The following WWOX variants were observed in gnomAD, a reference collection of about 807,000 sequenced individuals.
The protein encoded by WWOX is WW domain-containing oxidoreductase.
In WWOX, 69 loss-of-function variants were observed where a neutral mutation model predicts 46.2. The ratio of observed to expected loss-of-function variants is 1.49; its 90% CI spans 1.23 to 1.82. WWOX has a LOEUF of 1.82. WWOX is among the 40% of genes most tolerant of loss of function. The pLI is 0.00. For synonymous variants in WWOX, 359 were observed against 202.6 expected, an observed-to-expected ratio of 1.77 and a Z score of -6.56; for missense variants, 919 against 542.6, an observed-to-expected ratio of 1.69 and a Z score of -6.89.
At chr16:78,125,707 A>T (rs1019442195) in intron 4 of WWOX, among the ~76,000 whole-genome samples, 1 of 151,928 alleles carries the variant, frequency 6.6e-6, no homozygotes, top group Non-Finnish European at 1.5e-5. Context: ...ACCAAATCAA[A>T]TTTTTTTTAA....
chr16:78,171,496 G>A (rs35503340), intron 5 of WWOX, among the ~76,000 whole-genome samples: 10,128 of 152,086 alleles, frequency 0.067, 384 homozygotes, highest in Non-Finnish European at 0.093. Context: ...TGGTATGTGG[G>A]GCGGGTAAAA....
At chr16:79,055,583 C>T (rs1025157842) in intron 8 of WWOX, among the ~76,000 whole-genome samples, 1 of 152,166 alleles carries the variant, frequency 6.6e-6, no homozygotes, top group African/African-American at 2.4e-5. Context: ...TTCCCCACCT[C>T]AAGGCCCTGT....
chr16:78,268,391 T>C (rs1448696635), intron 5 of WWOX, among the ~76,000 whole-genome samples: 2 of 152,164 alleles, frequency 1.3e-5, no homozygotes, highest in African/African-American at 4.8e-5. Context: ...ATTATTCTGC[T>C]CAGGGTAGCC....
At chr16:78,225,458 T>G (rs1033109315) in intron 5 of WWOX, among the ~76,000 whole-genome samples, 2 of 152,226 alleles carry the variant, frequency 1.3e-5, no homozygotes, top group African/African-American at 4.8e-5. Context: ...TTAATTCTAT[T>G]GCAACCAAAT....
At chr16:78,428,814 A>G (rs2083148500) in intron 7 of WWOX, among the ~76,000 whole-genome samples, 1 of 152,226 alleles carries the variant, frequency 6.6e-6, no homozygotes, top group South Asian at 2.1e-4. Flanking sequence ...TGAGATTAGC[A>G]TGGGCAACAA....
intron 8 of WWOX, among the ~76,000 whole-genome samples, chr16:79,023,243 A>T (rs891984668): frequency 6.6e-6 from 1 of 152,220 alleles, no homozygotes; most frequent in East Asian, 1.9e-4. Flanking sequence ...CAAGCTGTGT[A>T]ATAAAAGAAT....
intron 8 of WWOX, among the ~76,000 whole-genome samples, chr16:79,063,389 C>A (rs560306452): frequency 6.6e-6 from 1 of 152,200 alleles, no homozygotes; most frequent in Non-Finnish European, 1.5e-5. Flanking sequence ...AGGCTGAATG[C>A]TGTCCACAGG....
chr16:78,725,882 C>G (rs77819940), intron 8 of WWOX, among the ~76,000 whole-genome samples: 32 of 152,148 alleles, frequency 2.1e-4, no homozygotes, highest in African/African-American at 7.7e-4. Flanking sequence ...GCATGTCATT[C>G]ACATTGGGTC....
chr16:78,701,704 G>A (rs537233072), intron 8 of WWOX, among the ~76,000 whole-genome samples: 34 of 152,122 alleles, frequency 2.2e-4, no homozygotes, highest in Middle Eastern at 3.4e-3. Flanking sequence ...AAGGTGCCAG[G>A]CAGGCCCTCA....
intron 8 of WWOX, among the ~76,000 whole-genome samples, chr16:78,468,921 C>G (rs2084152673): frequency 6.6e-6 from 1 of 152,124 alleles, no homozygotes; most frequent in Non-Finnish European, 1.5e-5. Flanking sequence ...CCCCCTCTAC[C>G]CCAAAAGTAT....
intron 8 of WWOX, among the ~76,000 whole-genome samples, chr16:79,072,204 T>C (rs1275436081): frequency 6.6e-6 from 1 of 152,126 alleles, no homozygotes; most frequent in Non-Finnish European, 1.5e-5. Flanking sequence ...GAGGATTGCT[T>C]GAGCCTAGGG....
intron 8 of WWOX, among the ~76,000 whole-genome samples, chr16:79,112,523 C>T (rs781526434): frequency 1.6e-4 from 25 of 152,152 alleles, no homozygotes; most frequent in Non-Finnish European, 2.9e-4. Flanking sequence ...TCAACAAATA[C>T]TCTTCTAAAC....
chr16:78,846,042 A>G (rs527443691), intron 8 of WWOX, among the ~76,000 whole-genome samples: 1 of 152,218 alleles, frequency 6.6e-6, no homozygotes, highest in African/African-American at 2.4e-5. Context: ...GATGGAAAGC[A>G]TGGAGTTTGG....
chr16:78,118,429 G>A (rs2151679346), intron 4 of WWOX, among the ~76,000 whole-genome samples: 1 of 152,246 alleles, frequency 6.6e-6, no homozygotes, highest in Middle Eastern at 3.4e-3. Context: ...GCTGCTGACT[G>A]GATTCAACTG....
In WWOX at chr16:79,212,333, CCAGTGAGGATGA is replaced by C; in HGVS notation, c.*544_*555del. ...GACAAATCTCAGAACCTTGTCCCAG[CCAGTGAGGATGA>C]CAGTGACACCCAGAGGGAGTAGAAT... On this transcript the variant is annotated 3_prime_UTR_variant, in exon 9 of 9. Coordinates refer to ENST00000566780, the MANE Select transcript of WWOX (RefSeq NM_016373.4). 1 of 725,738 alleles carries C rather than the reference CCAGTGAGGATGA, an allele frequency of 1.4e-6. No individual in the cohort carries two copies. Among genetic ancestry groups the C allele is most frequent in the East Asian group, 2.8e-5 (1 of 35,952 alleles). 45.0% of individuals were successfully genotyped at this position (725,738 alleles called of 1,614,324 possible). A position where few individuals can be genotyped will look rare whatever the true frequency, so the allele number is the denominator to read the frequency against.
At chr16:78,868,205 A>G (rs1039068355) in intron 8 of WWOX, among the ~76,000 whole-genome samples, 4 of 152,220 alleles carry the variant, frequency 2.6e-5, no homozygotes, top group Admixed American at 2.6e-4. Context: ...ATGAAAAGGA[A>G]CTAACTCTGG....
chr16:78,253,067 A>C (rs2038028650), intron 5 of WWOX, among the ~76,000 whole-genome samples: 1 of 152,272 alleles, frequency 6.6e-6, no homozygotes, highest in South Asian at 2.1e-4. Flanking sequence ...AATTGTTCAA[A>C]TTTTCCAGCT....
Position 79,132,127 on chromosome 16 carries a change from A to AACAC in WWOX, c.1057-79444_1057-79441dup, listed in dbSNP as rs141785224. On this transcript the variant is annotated intron_variant, in intron 8 of 8. Transcript: ENST00000566780. Reference sequence around the variant, plus strand: ...CACTCTCCCACCCAACACTTGCAGAAACACACACACACACACACACACACA... The same window carrying AACAC: ...CACTCTCCCACCCAACACTTGCAGAAACACACACACACACACACACACACACACA... Among the ~76,000 whole-genome samples the AACAC allele has an allele frequency of 7.2e-3, 1,018 of 141,554 alleles. 9 individuals are homozygous for AACAC. The highest frequency in any genetic ancestry group is 0.011 in the South Asian group (48 of 4,474). 92.9% of individuals were successfully genotyped at this position (141,554 alleles called of 152,430 possible). A position where few individuals can be genotyped will look rare whatever the true frequency, so the allele number is the denominator to read the frequency against.
chr16:78,314,715 T>TTTTTTTTTTTTTG (rs2080326415), intron 5 of WWOX, among the ~76,000 whole-genome samples: 1 of 142,898 alleles, frequency 7.0e-6, no homozygotes, highest in African/African-American at 2.6e-5. Context: ...TTTTTTTTTT[T>TTTTTTTTTTTTTG]TTTTTTCTGT....
Sources: gnomAD v4.1 joint callset for allele counts (sites outside exome capture counted in the v4.1 genomes callset) on GRCh38, gnomAD v4.1.1 for gene constraint, MANE v1.5 for transcripts, NCBI Gene and HGNC (gene_info 2026-07-23, HGNC 2026-07-21) for gene names.